Variants in PARL observed in about 807,000 individuals in gnomAD.
PARL encodes the protein presenilin associated rhomboid like, also known as presenilin-associated rhomboid-like protein, mitochondrial.
In PARL, 44 loss-of-function variants were observed where a neutral mutation model predicts 51.6. The observed-to-expected ratio is 0.85, with a 90% CI of 0.67 to 1.10. The LOEUF is 1.10. Ranked by LOEUF, PARL falls within the 50% of genes least tolerant of loss-of-function variation. The pLI is 0.00. For missense variants in PARL, 441 were observed against 469.5 expected (o/e 0.94, Z 0.56); for synonymous variants, 172 against 164.0 (o/e 1.05, Z -0.37).
chr3:183,849,807 A>T (rs1730354004), intron 4 of PARL, among the ~76,000 whole-genome samples: 1 of 152,204 alleles, frequency 6.6e-6, no homozygotes. Flanking sequence ...TTGCTAAAAA[A>T]GAAAAATAAA....
chr3:183,872,923 C>T (rs890800269), intron 1 of PARL, among the ~76,000 whole-genome samples: 3 of 152,176 alleles, frequency 2.0e-5, no homozygotes, highest in African/African-American at 7.2e-5. Flanking sequence ...TTTTGAGCCA[C>T]TGAGCAAAGA....
chr3:183,865,547 C>T (rs1288127358), intron 3 of PARL, among the ~76,000 whole-genome samples: 1 of 152,124 alleles, frequency 6.6e-6, no homozygotes. Flanking sequence ...CACATGAATG[C>T]AAACCCTACT....
At chr3:183,876,872 T>C (rs1459021153) in intron 1 of PARL, among the ~76,000 whole-genome samples, 1 of 152,068 alleles carries the variant, frequency 6.6e-6, no homozygotes, top group Non-Finnish European at 1.5e-5. Flanking sequence ...TTTGAGGGGC[T>C]CAAGACTTGA....
At position 183,833,833 on chromosome 3, in the gene PARL, G is replaced by T. The variant is rs779004332; in HGVS notation, c.829-8C>A. ...TGTCATGATGGCACCAGACTGCAAA[G>T]TAACACAGCAGGGAGAATGGGAAAC... On this transcript the variant is annotated splice_region_variant and splice_polypyrimidine_tract_variant and intron_variant, in intron 7 of 9. Coordinates refer to ENST00000317096, the MANE Select transcript of PARL (RefSeq NM_018622.7). The T allele has an allele frequency of 2.5e-6, 4 of 1,575,280 alleles. No individual in the cohort carries two copies. The South Asian group carries it at 3.3e-5, about 13-fold the overall frequency.
At position 183,867,917 on chromosome 3, in the gene PARL, G is replaced by A. The variant is rs371467595; in HGVS notation, c.269C>T (p.Pro90Leu). The change falls in exon 2 of 10, where the codon CCT becomes CTT. Residue 90 changes from proline (P) to leucine (L), a missense_variant. Physicochemically the swap from Pro to Leu is moderately conservative, Grantham distance 98 (BLOSUM62 -3). Coordinates refer to ENST00000317096, the MANE Select transcript of PARL (RefSeq NM_018622.7). ...IPPVEETVFY[P>L]SPYPIRSLIK... is the part of the protein sequence containing the mutation. ...GAGACTCCTTATAGGATAGGGAGAA[G>A]GATAAAAGACTGTTTCTTCCACAGG... is the stretch of plus-strand genomic sequence containing the variant. 4 of 1,613,782 alleles carry A rather than the reference G, an allele frequency of 2.5e-6. No individual in the cohort carries two copies. The highest frequency in any genetic ancestry group is 2.2e-5 in the East Asian group (1 of 44,890).
At chr3:183,880,314 A>T (rs1232152656) in intron 1 of PARL, among the ~76,000 whole-genome samples, 1 of 152,056 alleles carries the variant, frequency 6.6e-6, no homozygotes, top group Non-Finnish European at 1.5e-5. Context: ...GCCAGGAACT[A>T]GTGATTTGGG....
At chr3:183,879,879 ATTT>A (rs532111761) in intron 1 of PARL, 17,539 of 130,900 alleles carry the variant, frequency 0.13, 996 homozygotes, top group East Asian at 0.37. Flanking sequence ...ACCAGGACTG[ATTT>A]TTTTTTTTTT....
intron 2 of PARL, among the ~76,000 whole-genome samples, chr3:183,867,540 A>T (rs1409679973): frequency 1.3e-5 from 2 of 152,068 alleles, no homozygotes; most frequent in Non-Finnish European, 2.9e-5. Context: ...CTCTACTAAA[A>T]ATACAAAAAA....
intron 1 of PARL, among the ~76,000 whole-genome samples, chr3:183,870,364 T>C (rs1445238956): frequency 6.6e-6 from 1 of 151,196 alleles, no homozygotes; most frequent in African/African-American, 2.4e-5. Flanking sequence ...AAAATACTTT[T>C]AAAATTCCTA....
intron 7 of PARL, among the ~76,000 whole-genome samples, chr3:183,835,692 C>G (rs534326727): frequency 6.6e-6 from 1 of 152,112 alleles, no homozygotes; most frequent in Non-Finnish European, 1.5e-5. Context: ...CATAGTGAAA[C>G]CCCGTCTCTA....
intron 9 of PARL, among the ~76,000 whole-genome samples, chr3:183,831,150 A>T (rs1328198021): frequency 6.6e-6 from 1 of 151,980 alleles, no homozygotes; most frequent in African/African-American, 2.4e-5. Flanking sequence ...TAATTTTTGT[A>T]TTTTTAGTAG....
At chr3:183,843,979 T>C (rs1020021542) in intron 5 of PARL, among the ~76,000 whole-genome samples, 4 of 151,440 alleles carry the variant, frequency 2.6e-5, no homozygotes, top group African/African-American at 9.7e-5. Flanking sequence ...GTGGAGGTTG[T>C]AGTGAGCTAA....
chr3:183,828,959 C>T (rs1192178238), downstream of PARL, among the ~76,000 whole-genome samples: 1 of 152,208 alleles, frequency 6.6e-6, no homozygotes, highest in Non-Finnish European at 1.5e-5. Flanking sequence ...AATTAGAACA[C>T]TTTCAAACAG....
intron 9 of PARL, among the ~76,000 whole-genome samples, chr3:183,830,233 C>G (rs147425476): frequency 1.7e-3 from 258 of 152,332 alleles, no homozygotes; most frequent in African/African-American, 5.6e-3. Context: ...TAGTTCCCAT[C>G]CCCACTCTCC....
chr3:183,862,347 C>A (rs1319583334), intron 4 of PARL, among the ~76,000 whole-genome samples: 1 of 152,150 alleles, frequency 6.6e-6, no homozygotes, highest in Non-Finnish European at 1.5e-5. Context: ...CTCTGAAAGC[C>A]GGTTTCCTTA....
chr3:183,855,970 A>C lies in PARL; in HGVS notation c.511+6783T>G, dbSNP rs531410173. On this transcript the variant is annotated intron_variant, in intron 4 of 9. Transcript: ENST00000317096. ...GACTCTGTCTCAAAAAAATAAACAAACAAAAAAAAAAACAAAAAAAACCCC... is the reference window on the plus strand; with the variant it reads ...GACTCTGTCTCAAAAAAATAAACAACCAAAAAAAAAAACAAAAAAAACCCC... Among the ~76,000 whole-genome samples the C allele has an allele frequency of 1.1e-3, 163 of 145,244 alleles. 1 individual carries two copies. The highest frequency in any genetic ancestry group is 3.4e-3 in the East Asian group (17 of 5,068).
intron 4 of PARL, among the ~76,000 whole-genome samples, chr3:183,861,597 GAAGA>G (rs1189361367): frequency 3.3e-5 from 5 of 152,136 alleles, no homozygotes; most frequent in Non-Finnish European, 5.9e-5. Context: ...CAGTTTGAAT[GAAGA>G]AAGATAAACA....
chr3:183,865,341 T>A (rs1732342536), intron 3 of PARL, among the ~76,000 whole-genome samples: 1 of 152,108 alleles, frequency 6.6e-6, no homozygotes, highest in Non-Finnish European at 1.5e-5. Flanking sequence ...GCTCTATCCC[T>A]AAGGCATGTA....
At chr3:183,828,238 CCT>C (rs1727569061), downstream of PARL, among the ~76,000 whole-genome samples, 1 of 152,224 alleles carries the variant, frequency 6.6e-6, no homozygotes, top group African/African-American at 2.4e-5. Flanking sequence ...GTCTTCATTG[CCT>C]CTTTGCCTGG....
Sources: allele counts gnomAD v4.1 joint callset (sites outside exome capture counted in the v4.1 genomes callset), GRCh38; gene constraint gnomAD v4.1.1; transcripts MANE v1.5; gene names NCBI Gene and HGNC (gene_info 2026-07-23, HGNC 2026-07-21).